MICAL3: variants seen among roughly 807,000 people sequenced by gnomAD.
MICAL3 encodes [F-actin]-monooxygenase MICAL3.
Under a neutral mutation model 207.4 loss-of-function variants are expected in MICAL3, and 62 were observed. That is an observed-to-expected ratio of 0.30 (90% CI 0.24 to 0.37). The LOEUF is 0.37. Ranked by LOEUF, MICAL3 falls within the 10% of genes least tolerant of loss-of-function variation. The pLI is 1.00. For missense variants in MICAL3, 2,368 were observed against 2,635.6 expected (o/e 0.90, Z 2.22); for synonymous variants, 1,077 against 1,069.3 (o/e 1.01, Z -0.14).
intron 2 of MICAL3, 91 bp from the exon 3 acceptor site, chr22:17,904,930 G>A: frequency 1.0e-6 from 1 of 970,052 alleles, no homozygotes; most frequent in Non-Finnish European, 1.6e-6. Context: ...ACTCCCTAAA[G>A]CCCCGAAATA....
chr22:17,806,009 C>T (rs960266112), intron 29 of MICAL3, among the ~76,000 whole-genome samples: 4 of 152,184 alleles, frequency 2.6e-5, no homozygotes, highest in East Asian at 1.9e-4. Flanking sequence ...GGATTACAGG[C>T]GTGAGCCACC....
At chr22:17,917,291 T>C (rs9605429) in intron 1 of MICAL3, among the ~76,000 whole-genome samples, 6,132 of 152,298 alleles carry the variant, frequency 0.04, 185 homozygotes, top group African/African-American at 0.079. Context: ...AACACTCTGA[T>C]GCCGCTCGCC....
chr22:17,912,352 G>C (rs1290561236), intron 1 of MICAL3, among the ~76,000 whole-genome samples: 1 of 148,950 alleles, frequency 6.7e-6, no homozygotes, highest in Admixed American at 6.6e-5. Flanking sequence ...TTTTAGGATG[G>C]GTTTTTCTAT....
intron 1 of MICAL3, among the ~76,000 whole-genome samples, chr22:17,999,711 G>C (rs1000680754): frequency 6.6e-6 from 1 of 152,198 alleles, no homozygotes; most frequent in Non-Finnish European, 1.5e-5. Flanking sequence ...CGTTTCAAAT[G>C]TTAGCGCTGT....
chr22:17,857,635 A>G (rs1044337066), intron 19 of MICAL3, among the ~76,000 whole-genome samples: 2 of 152,244 alleles, frequency 1.3e-5, no homozygotes, highest in African/African-American at 2.4e-5. Context: ...AGAAAGAAAT[A>G]GAGATAAAGA....
intron 1 of MICAL3, among the ~76,000 whole-genome samples, chr22:17,963,540 C>G (rs1475198110): frequency 6.6e-6 from 1 of 152,104 alleles, no homozygotes; most frequent in Non-Finnish European, 1.5e-5. Flanking sequence ...CCTGCCACGG[C>G]CAAGCGCCAT....
intron 16 of MICAL3, among the ~76,000 whole-genome samples, chr22:17,880,238 G>A (rs1005696464): frequency 2.0e-5 from 3 of 152,206 alleles, no homozygotes; most frequent in Non-Finnish European, 4.4e-5. Flanking sequence ...GCTCAGACAC[G>A]TGACATGGCC....
chr22:17,940,548 A>T lies in MICAL3; in HGVS notation c.-74-33662T>A, dbSNP rs1451129362. On this transcript the variant is annotated intron_variant, in intron 1 of 31. Transcript: ENST00000441493. ...GGAACAGTGAAGGACTAGTTCCATG[A>T]AATAGTCTAGTGGCAGAATACAGGG... Among the ~76,000 whole-genome samples, 7 of 152,256 alleles carry T rather than the reference A, an allele frequency of 4.6e-5. 1 individual carries two copies. Among genetic ancestry groups the T allele is most frequent in the Non-Finnish European group, 8.8e-5 (6 of 68,048 alleles).
chr22:17,878,326 G>A (rs1929081982), intron 16 of MICAL3, among the ~76,000 whole-genome samples: 1 of 152,244 alleles, frequency 6.6e-6, no homozygotes, highest in African/African-American at 2.4e-5. Context: ...ACAGCGCCGT[G>A]GGAGAGCAGC....
rs1927880133 is a variant in MICAL3 at position 17,872,992 on chromosome 22, C to A, written c.2242-969G>T. ...ATACAAGGTGCAGCAGCAAACCATG[C>A]CAACACAGTGCTCACAGGCAGGGAA... On this transcript the variant is annotated intron_variant, in intron 16 of 31. Coordinates refer to ENST00000441493, the MANE Select transcript of MICAL3 (RefSeq NM_015241.3). 1.1e-5 allele frequency: 7 copies of A among 654,536 alleles called. No individual in the cohort carries two copies. In the South Asian group the frequency reaches 1.2e-4, roughly 12 times the overall value. The allele number at this position is 654,536 out of a possible 1,614,324, so 40.5% of individuals were successfully genotyped here.
intron 29 of MICAL3, among the ~76,000 whole-genome samples, chr22:17,797,794 C>T (rs1033673595): frequency 7.2e-5 from 11 of 152,382 alleles, no homozygotes; most frequent in South Asian, 6.2e-4. Flanking sequence ...CGGCCACCAA[C>T]GCTAACCACG....
intron 29 of MICAL3, among the ~76,000 whole-genome samples, chr22:17,808,148 C>A (rs149576745): frequency 1.3e-5 from 2 of 152,380 alleles, no homozygotes; most frequent in Non-Finnish European, 2.9e-5. Flanking sequence ...CGCAGCCGCG[C>A]AGGTTCCCTG....
In MICAL3 at chr22:17,793,185, G is replaced by A. The variant is rs758718206; in HGVS notation, c.5651-1884C>T. On this transcript the variant is annotated intron_variant, in intron 29 of 31. Transcript: ENST00000441493. This position sits in a 1 kb window ranked among gnomAD's most constrained non-coding sequence, Gnocchi z 4.1. ...GGTAAGAGTTAGCAGGGTTAGTCAC[G>A]GCCACACCCCCCACATGCCTTTCAA... 2.5e-4 allele frequency among the ~76,000 whole-genome samples: 38 copies of A among 152,194 alleles called. No homozygotes were observed. Among genetic ancestry groups the A allele is most frequent in the Non-Finnish European group, 4.3e-4 (29 of 68,030 alleles).
chr22:17,870,573 G>A lies in MICAL3; in HGVS notation c.2428+1264C>T, dbSNP rs1005599855. On this transcript the variant is annotated intron_variant, in intron 17 of 31. Transcript: ENST00000441493. ...CTGCACCTTGCGACATCTTCTTTCCGGGCAGACTCCACGGTGAGAGGCTAA... is the reference window on the plus strand; with the variant it reads ...CTGCACCTTGCGACATCTTCTTTCCAGGCAGACTCCACGGTGAGAGGCTAA... Among the ~76,000 whole-genome samples the A allele has an allele frequency of 1.3e-4, 20 of 152,174 alleles. 1 individual carries two copies. The highest frequency in any genetic ancestry group is 6.2e-4 in the South Asian group (3 of 4,820).
intron 27 of MICAL3, chr22:17,814,367 G>A (rs976046538): frequency 5.9e-5 from 9 of 152,094 alleles, no homozygotes; most frequent in African/African-American, 2.2e-4. Context: ...ACGACCCTTC[G>A]TCCCTAAACG....
At chr22:17,957,294 C>A (rs1021469959) in intron 1 of MICAL3, among the ~76,000 whole-genome samples, 1 of 152,228 alleles carries the variant, frequency 6.6e-6, no homozygotes, top group Non-Finnish European at 1.5e-5. Flanking sequence ...CAGCTGGCTA[C>A]ACTGGCTCTG....
At chr22:17,960,026 T>C (rs1934825011) in intron 1 of MICAL3, among the ~76,000 whole-genome samples, 1 of 152,176 alleles carries the variant, frequency 6.6e-6, no homozygotes, top group South Asian at 2.1e-4. Flanking sequence ...GATAAACTGA[T>C]GAGCAAAAGG....
At position 17,793,822 on chromosome 22, in the gene MICAL3, G is replaced by A. The variant is rs2061849400; in HGVS notation, c.5651-2521C>T. On this transcript the variant is annotated intron_variant, in intron 29 of 31. Transcript: ENST00000441493. This position sits in a 1 kb window ranked among gnomAD's most constrained non-coding sequence, Gnocchi z 4.1. ...TCAAAAGGGACCAAGCAAGGAAGAG[G>A]AGGAGACGGAGAAAGACAAAAAAGG... 6.6e-6 allele frequency: 1 copy of A among 152,468 alleles called. No homozygotes were observed. 9.4% of individuals were successfully genotyped at this position (152,468 alleles called of 1,614,324 possible).
At chr22:17,978,973 C>T (rs957550104) in intron 1 of MICAL3, among the ~76,000 whole-genome samples, 3 of 150,226 alleles carry the variant, frequency 2.0e-5, no homozygotes, top group South Asian at 2.1e-4. Flanking sequence ...CCCAGGAGTT[C>T]GAGACCAGCC....
Sources: gnomAD v4.1 joint callset for allele counts (sites outside exome capture counted in the v4.1 genomes callset) on GRCh38, gnomAD v4.1.1 for gene constraint, Gnocchi (gnomAD v3.1) non-coding constraint, MANE v1.5 for transcripts, NCBI Gene and HGNC (gene_info 2026-07-23, HGNC 2026-07-21) for gene names.